CAMKMT: variants seen among roughly 807,000 people sequenced by gnomAD.
CAMKMT encodes calmodulin-lysine N-methyltransferase.
In CAMKMT, 53 loss-of-function variants were observed where a neutral mutation model predicts 48.0. That is an observed-to-expected ratio of 1.10 (90% CI 0.89 to 1.39). The LOEUF is 1.39. Among genes scored for constraint, CAMKMT ranks in the 40% most tolerant of loss-of-function variants. CAMKMT has a pLI of 0.00. For synonymous variants in CAMKMT, 165 were observed against 152.3 expected (o/e 1.08, Z -0.61); for missense variants, 428 against 402.7 (o/e 1.06, Z -0.54).
Position 44,664,677 on chromosome 2 carries a change from AAATAC to A in CAMKMT, c.377-39601_377-39597del, listed in dbSNP as rs1213788269. Reference sequence around the variant, plus strand: ...AGAATGTAAAGATAAAAGTAAAGACAAATACAATAAGAGAGGCAGGCACAAATTGA... The same window carrying A: ...AGAATGTAAAGATAAAAGTAAAGACAAATAAGAGAGGCAGGCACAAATTGA... On this transcript the variant is annotated intron_variant, in intron 3 of 10. Transcript: ENST00000378494. 6.6e-5 allele frequency among the ~76,000 whole-genome samples: 10 copies of A among 152,266 alleles called. No individual in the cohort carries two copies. In the East Asian group the frequency reaches 1.7e-3, roughly 26 times the overall value.
chr2:44,426,605 T>C (rs147779395), intron 3 of CAMKMT, among the ~76,000 whole-genome samples: 5 of 152,266 alleles, frequency 3.3e-5, no homozygotes, highest in South Asian at 2.1e-4. Flanking sequence ...TACCTAGGAA[T>C]ACTTGTAACC....
intron 3 of CAMKMT, chr2:44,550,734 T>C (rs1667666508): frequency 6.6e-6 from 1 of 152,208 alleles, no homozygotes; most frequent in Admixed American, 6.5e-5. Flanking sequence ...TGAGTCAAAT[T>C]CTGTCACTTC....
chr2:44,687,616 T>G (rs1450355034), intron 3 of CAMKMT, among the ~76,000 whole-genome samples: 1 of 152,208 alleles, frequency 6.6e-6, no homozygotes, highest in Non-Finnish European at 1.5e-5. Context: ...AAAAAGTATT[T>G]AAAAGAAAGA....
Position 44,594,963 on chromosome 2 carries a change from A to AAAAAAAC in CAMKMT, c.377-109317_377-109311dup, listed in dbSNP as rs556444912. ...TCTACAAAGAACTTAAATTTACAAG[A>AAAAAAAC]AAAAAACAACCCCATCAAAAAGTGG... On this transcript the variant is annotated intron_variant, in intron 3 of 10. Coordinates refer to ENST00000378494, the MANE Select transcript of CAMKMT (RefSeq NM_024766.5). Among the ~76,000 whole-genome samples the AAAAAAAC allele has an allele frequency of 1.4e-3, 216 of 152,328 alleles. 1 individual carries two copies. Among genetic ancestry groups the AAAAAAAC allele is most frequent in the African/African-American group, 5.1e-3 (211 of 41,570 alleles).
chr2:44,375,723 A>C (rs1386577459), intron 2 of CAMKMT, among the ~76,000 whole-genome samples: 1 of 152,146 alleles, frequency 6.6e-6, no homozygotes, highest in Non-Finnish European at 1.5e-5. Flanking sequence ...AGGCCATTGC[A>C]GTCTTTAGCT....
intron 3 of CAMKMT, among the ~76,000 whole-genome samples, chr2:44,390,522 T>C (rs1369777687): frequency 2.3e-5 from 3 of 131,132 alleles, no homozygotes; most frequent in Non-Finnish European, 4.9e-5. Flanking sequence ...CGCAGGTGTG[T>C]GTGTGTGGGG....
chr2:44,374,413 A>G (rs2104364759), intron 2 of CAMKMT, among the ~76,000 whole-genome samples: 1 of 152,338 alleles, frequency 6.6e-6, no homozygotes, highest in East Asian at 1.9e-4. Context: ...TTTAGAAGGA[A>G]ATGAAAGACA....
chr2:44,751,663 T>C (rs1680159691), intron 8 of CAMKMT, among the ~76,000 whole-genome samples: 1 of 152,232 alleles, frequency 6.6e-6, no homozygotes, highest in African/African-American at 2.4e-5. Context: ...GTAACCTCCG[T>C]AAGGACAGGC....
At chr2:44,616,037 A>G (rs1158721273) in intron 3 of CAMKMT, among the ~76,000 whole-genome samples, 4 of 152,174 alleles carry the variant, frequency 2.6e-5, no homozygotes, top group Non-Finnish European at 5.9e-5. Flanking sequence ...GTGCACTTCA[A>G]AAACCCAGAG....
At chr2:44,590,549 T>A (rs377505836) in intron 3 of CAMKMT, among the ~76,000 whole-genome samples, 54 of 152,344 alleles carry the variant, frequency 3.5e-4, no homozygotes, top group African/African-American at 1.3e-3. Flanking sequence ...GCTGCATAAA[T>A]GTCTTCCTTT....
At chr2:44,480,654 T>C (rs1043560580) in intron 3 of CAMKMT, among the ~76,000 whole-genome samples, 12 of 152,194 alleles carry the variant, frequency 7.9e-5, no homozygotes, top group Non-Finnish European at 1.0e-4. Flanking sequence ...TCTTTTTATT[T>C]ATCATTTGAG....
intron 3 of CAMKMT, among the ~76,000 whole-genome samples, chr2:44,560,371 C>T (rs1668259573): frequency 6.6e-6 from 1 of 152,172 alleles, no homozygotes; most frequent in South Asian, 2.1e-4. Flanking sequence ...TGGGCTCAAG[C>T]GATCCTCCCA....
intron 7 of CAMKMT, among the ~76,000 whole-genome samples, chr2:44,729,774 T>G (rs1225234673): frequency 6.6e-6 from 1 of 152,110 alleles, no homozygotes; most frequent in Non-Finnish European, 1.5e-5. Context: ...AAATATTTGA[T>G]GAGGCAAAGA....
At position 44,735,077 on chromosome 2, in the gene CAMKMT, T is replaced by C. The variant is rs568444149; in HGVS notation, c.624-8545T>C. On this transcript the variant is annotated intron_variant, in intron 7 of 10. Transcript: ENST00000378494. ...ATTTAGAATTGTTATGTCTGCTTCT[T>C]GACCCTTTAACATTGTAAAGTGATC... is the stretch of plus-strand genomic sequence containing the variant. Among the ~76,000 whole-genome samples the C allele has an allele frequency of 4.6e-5, 7 of 152,368 alleles. No individual in the cohort carries two copies. The South Asian group carries it at 1.5e-3, about 32-fold the overall frequency.
chr2:44,600,298 G>A (rs538754392), intron 3 of CAMKMT, among the ~76,000 whole-genome samples: 6 of 151,350 alleles, frequency 4.0e-5, no homozygotes, highest in South Asian at 2.1e-4. Flanking sequence ...ACAGAGTGTC[G>A]CTCTGTTGCC....
chr2:44,705,696 A>G (rs529801964), intron 4 of CAMKMT, among the ~76,000 whole-genome samples: 4 of 152,216 alleles, frequency 2.6e-5, no homozygotes, highest in East Asian at 3.9e-4. Flanking sequence ...GTTGGGGTCA[A>G]TTGTGATTTA....
At chr2:44,417,054 C>G (rs1572821719) in intron 3 of CAMKMT, among the ~76,000 whole-genome samples, 1 of 152,140 alleles carries the variant, frequency 6.6e-6, no homozygotes, top group South Asian at 2.1e-4. Context: ...CTACCTTAGC[C>G]TCCTGGGTTG....
chr2:44,654,674 G>T (rs772242682), intron 3 of CAMKMT, among the ~76,000 whole-genome samples: 1 of 152,080 alleles, frequency 6.6e-6, no homozygotes, highest in African/African-American at 2.4e-5. Flanking sequence ...CACCATGCCT[G>T]GCGAATTTTT....
At position 44,556,056 on chromosome 2, in the gene CAMKMT, C is replaced by G. The variant is rs111361101; in HGVS notation, c.377-148227C>G. On this transcript the variant is annotated intron_variant, in intron 3 of 10. Transcript: ENST00000378494. ...GCAGAAAGGGGAATGCAGGGTTATA[C>G]CTGTCTGTGTTATAGGTAGCATCTT... Among the ~76,000 whole-genome samples the G allele has an allele frequency of 1.9e-3, 284 of 152,136 alleles. 1 individual carries two copies. The Middle Eastern group carries it at 0.027, about 15-fold the overall frequency.
Sources: gnomAD v4.1 joint callset for allele counts (sites outside exome capture counted in the v4.1 genomes callset) on GRCh38, gnomAD v4.1.1 for gene constraint, MANE v1.5 for transcripts, NCBI Gene and HGNC (gene_info 2026-07-23, HGNC 2026-07-21) for gene names.